Variants in CSMD1 observed in about 807,000 individuals in gnomAD.
CSMD1 encodes the protein CUB and Sushi multiple domains 1.
Under a neutral mutation model 417.5 loss-of-function variants are expected in CSMD1, and 213 were observed. The observed-to-expected ratio is 0.51, with a 90% CI of 0.46 to 0.57. CSMD1 has a LOEUF of 0.57. Ranked by LOEUF, CSMD1 falls within the 20% of genes least tolerant of loss-of-function variation. CSMD1 has a pLI of 0.00. For synonymous variants in CSMD1, 2,862 were observed against 1,736.8 expected (o/e 1.65, Z -16.11); for missense variants, 6,923 against 4,529.7 (o/e 1.53, Z -15.17).
chr8:4,165,885 C>A (rs1797428409), intron 3 of CSMD1, among the ~76,000 whole-genome samples: 1 of 152,176 alleles, frequency 6.6e-6, no homozygotes, highest in Non-Finnish European at 1.5e-5. Context: ...TTGCACCAAC[C>A]AACCTGTGCC....
chr8:3,404,544 G>A (rs113381798), intron 15 of CSMD1, among the ~76,000 whole-genome samples: 1 of 151,746 alleles, frequency 6.6e-6, no homozygotes, highest in African/African-American at 2.4e-5. Context: ...GTTATTCCGA[G>A]GTATTTTAGA....
intron 5 of CSMD1, among the ~76,000 whole-genome samples, chr8:3,915,181 G>C (rs1410636883): frequency 1.6e-4 from 24 of 152,042 alleles, no homozygotes; most frequent in Admixed American, 1.6e-3. Context: ...TGAGGCAGGA[G>C]GACCACCTAA....
intron 41 of CSMD1, among the ~76,000 whole-genome samples, chr8:3,121,295 C>G (rs1295102923): frequency 6.6e-6 from 1 of 152,070 alleles, no homozygotes; most frequent in Non-Finnish European, 1.5e-5. Context: ...TTTCAGCATC[C>G]CTTGGTTTTA....
At chr8:3,036,588 C>A (rs1040228881) in intron 50 of CSMD1, among the ~76,000 whole-genome samples, 3 of 152,092 alleles carry the variant, frequency 2.0e-5, no homozygotes, top group African/African-American at 7.2e-5. Flanking sequence ...CACTAAAAAC[C>A]TGTGCTTACT....
At chr8:3,487,333 A>C (rs62474229) in intron 11 of CSMD1, among the ~76,000 whole-genome samples, 18 of 151,680 alleles carry the variant, frequency 1.2e-4, no homozygotes, top group South Asian at 2.1e-4. Context: ...TCCCAAGTAG[A>C]TGGGACTACA....
In CSMD1 at chr8:4,197,391, A is replaced by T. The variant is rs186411241; in HGVS notation, c.416-165292T>A. On this transcript the variant is annotated intron_variant, in intron 3 of 69. Coordinates refer to ENST00000635120, the MANE Select transcript of CSMD1 (RefSeq NM_033225.6). ...GGTGTGTCTGTGGTGGTGTTTTTAC[A>T]TAAGATGAACATTTCATTTGGTAGA... 1.3e-3 allele frequency among the ~76,000 whole-genome samples: 197 copies of T among 152,340 alleles called. 2 individuals carry two copies. The highest frequency in any genetic ancestry group is 4.5e-3 in the African/African-American group (188 of 41,582).
At chr8:4,637,254 C>A in intron 2 of CSMD1, 88 bp downstream of exon 2, 1 of 1,202,140 alleles carries the variant, frequency 8.3e-7, no homozygotes, top group Non-Finnish European at 1.2e-6. Flanking sequence ...ACTCCGGACA[C>A]AATAATAAAA....
rs142955785 is a variant in CSMD1, at chr8:4,281,835, G to A, written c.415+138118C>T. ...TGTAAAACACTGATTTTCTAGAGCTGCCTCATAAACACACCTAACATGCAT... is the reference window on the plus strand; with the variant it reads ...TGTAAAACACTGATTTTCTAGAGCTACCTCATAAACACACCTAACATGCAT... On this transcript the variant is annotated intron_variant, in intron 3 of 69. Transcript: ENST00000635120. Among the ~76,000 whole-genome samples, 4 of 152,234 alleles carry A rather than the reference G, an allele frequency of 2.6e-5. No individual in the cohort carries two copies. The East Asian group carries it at 5.8e-4, about 22-fold the overall frequency.
intron 48 of CSMD1, among the ~76,000 whole-genome samples, chr8:3,088,545 G>A (rs1338495765): frequency 6.6e-6 from 1 of 152,048 alleles, no homozygotes; most frequent in Non-Finnish European, 1.5e-5. Context: ...ACATCTATGT[G>A]TCTGGCCTCA....
intron 10 of CSMD1, among the ~76,000 whole-genome samples, chr8:3,517,498 A>T (rs543651525): frequency 4.7e-4 from 71 of 152,322 alleles, no homozygotes; most frequent in African/African-American, 1.5e-3. Flanking sequence ...GATAAAAAAT[A>T]CTTAGAAAAT....
chr8:4,051,634 G>C (rs577772459), intron 3 of CSMD1, among the ~76,000 whole-genome samples: 1 of 152,110 alleles, frequency 6.6e-6, no homozygotes, highest in Non-Finnish European at 1.5e-5. Flanking sequence ...TGGGGCCCTA[G>C]AAAACTATGA....
chr8:4,053,008 A>G (rs750047349), intron 3 of CSMD1, among the ~76,000 whole-genome samples: 2 of 152,174 alleles, frequency 1.3e-5, no homozygotes, highest in Non-Finnish European at 2.9e-5. Flanking sequence ...AAGTGGCCTT[A>G]TACTTTAGCA....
intron 3 of CSMD1, among the ~76,000 whole-genome samples, chr8:4,155,399 A>G (rs561236997): frequency 6.6e-6 from 1 of 152,266 alleles, no homozygotes; most frequent in Non-Finnish European, 1.5e-5. Context: ...CATTCCTTTT[A>G]CTTTATAAAT....
At chr8:3,027,092 T>C (rs76820497) in intron 51 of CSMD1, among the ~76,000 whole-genome samples, 5,450 of 152,276 alleles carry the variant, frequency 0.036, 140 homozygotes, top group Admixed American at 0.059. Context: ...TGACAAGCCC[T>C]GTATTAGTAC....
At chr8:4,831,317 C>T (rs941794590) in intron 1 of CSMD1, among the ~76,000 whole-genome samples, 3 of 152,134 alleles carry the variant, frequency 2.0e-5, no homozygotes, top group Non-Finnish European at 4.4e-5. Flanking sequence ...CATCTTCTTC[C>T]TAGTGCTTCA....
intron 18 of CSMD1, among the ~76,000 whole-genome samples, chr8:3,376,987 A>G (rs1017852459): frequency 2.0e-5 from 3 of 152,134 alleles, no homozygotes; most frequent in African/African-American, 7.2e-5. Flanking sequence ...CTCTAACATC[A>G]CCCAAAATTT....
intron 26 of CSMD1, among the ~76,000 whole-genome samples, chr8:3,251,115 G>A (rs1451604456): frequency 1.3e-5 from 2 of 152,090 alleles, no homozygotes; most frequent in Admixed American, 6.6e-5. Context: ...TGCTTTTGGT[G>A]TTTTAGACAT....
At chr8:3,737,223 T>G (rs151288858) in intron 6 of CSMD1, among the ~76,000 whole-genome samples, 6 of 133,566 alleles carry the variant, frequency 4.5e-5, no homozygotes, top group East Asian at 2.1e-4. Flanking sequence ...TATCATTGAT[T>G]TTTTGCTTTC....
chr8:3,892,137 G>C (rs542262645), intron 5 of CSMD1, among the ~76,000 whole-genome samples: 1 of 97,122 alleles, frequency 1.0e-5, no homozygotes, highest in Admixed American at 1.3e-4. Flanking sequence ...GATAATATCA[G>C]TAAAGTGAAA....
Sources: gnomAD v4.1 joint callset for allele counts (sites outside exome capture counted in the v4.1 genomes callset) on GRCh38, gnomAD v4.1.1 for gene constraint, MANE v1.5 for transcripts, NCBI Gene and HGNC (gene_info 2026-07-23, HGNC 2026-07-21) for gene names.